NUBPL: variants seen among roughly 807,000 people sequenced by gnomAD.
NUBPL encodes the protein NUBP iron-sulfur cluster assembly factor, mitochondrial, also known as iron-sulfur cluster transfer protein NUBPL.
A neutral mutation model predicts 45.7 loss-of-function variants in NUBPL; 31 were observed. The observed-to-expected ratio is 0.68, with a 90% CI of 0.51 to 0.92. The LOEUF (loss-of-function observed/expected upper bound fraction) is 0.92, where lower values mean the gene tolerates loss of function less well. Among genes scored for constraint, NUBPL ranks in the 40% least tolerant of loss-of-function variants. The probability of loss-of-function intolerance (pLI) is 0.00; values close to 1 mark genes in which losing one functional copy is unlikely to be tolerated. For missense variants in NUBPL, 401 were observed against 398.7 expected (o/e 1.01, Z -0.05); for synonymous variants, 144 against 140.9 (o/e 1.02, Z -0.15).
At chr14:31,562,771 AT>A (rs535625900) in intron 2 of NUBPL, 148 of 147,860 alleles carry the variant, frequency 1.0e-3, no homozygotes, top group African/African-American at 3.2e-3. Context: ...CGCCCGGCTA[AT>A]TTTTTTTTTG....
Position 31,859,206 on chromosome 14 carries a change from C to T in NUBPL, c.*26C>T. Reference sequence around the variant, plus strand: ...TTCCCCAAGTGTCCTGGAAATTTGCCTGGTACTGACATTAAGAGGACCTTT... The same window carrying T: ...TTCCCCAAGTGTCCTGGAAATTTGCTTGGTACTGACATTAAGAGGACCTTT... On this transcript the variant is annotated 3_prime_UTR_variant, in exon 11 of 11. Coordinates refer to ENST00000281081, the MANE Select transcript of NUBPL (RefSeq NM_025152.3). The T allele has an allele frequency of 1.9e-6, 3 of 1,593,880 alleles. No individual in the cohort carries two copies. Among genetic ancestry groups the T allele is most frequent in the Non-Finnish European group, 2.6e-6 (3 of 1,161,724 alleles).
chr14:31,645,069 CT>C (rs34958203), intron 4 of NUBPL, among the ~76,000 whole-genome samples: 41,802 of 139,404 alleles, frequency 0.3, 6,116 homozygotes, highest in South Asian at 0.39. Context: ...TTTTTCTTTT[CT>C]TTTTTTTTTT....
intron 4 of NUBPL, among the ~76,000 whole-genome samples, chr14:31,641,143 G>C (rs890309588): frequency 1.3e-5 from 2 of 152,048 alleles, no homozygotes; most frequent in South Asian, 2.1e-4. Context: ...GTGGAGACAG[G>C]GTTTCACCAT....
At chr14:31,636,796 A>G (rs1463211051) in intron 4 of NUBPL, among the ~76,000 whole-genome samples, 1 of 152,144 alleles carries the variant, frequency 6.6e-6, no homozygotes, top group African/African-American at 2.4e-5. Context: ...CAGAGATTCA[A>G]CTTCTTCCTG....
At chr14:31,750,682 G>C (rs111541101) in intron 6 of NUBPL, among the ~76,000 whole-genome samples, 1,633 of 152,080 alleles carry the variant, frequency 0.011, 23 homozygotes, top group African/African-American at 0.037. Context: ...TTTTATAGTA[G>C]CTTTGTAGGG....
intron 4 of NUBPL, among the ~76,000 whole-genome samples, chr14:31,620,750 A>G (rs541068957): frequency 2.0e-5 from 3 of 152,304 alleles, no homozygotes; most frequent in South Asian, 4.1e-4. Context: ...CAGTCAGGAT[A>G]CACAGGGGTC....
chr14:31,843,176 G>A (rs2040403269), intron 8 of NUBPL, among the ~76,000 whole-genome samples: 2 of 152,294 alleles, frequency 1.3e-5, no homozygotes, highest in East Asian at 1.9e-4. Context: ...TCAGGACAGA[G>A]GGAAAAATAA....
intron 8 of NUBPL, among the ~76,000 whole-genome samples, chr14:31,839,357 A>G (rs1055789438): frequency 6.6e-6 from 1 of 152,160 alleles, no homozygotes; most frequent in East Asian, 1.9e-4. Flanking sequence ...AGAACACACA[A>G]TGGAGAAAGG....
intron 4 of NUBPL, among the ~76,000 whole-genome samples, chr14:31,649,194 T>C (rs1215832815): frequency 6.6e-6 from 1 of 152,230 alleles, no homozygotes; most frequent in Non-Finnish European, 1.5e-5. Context: ...GTTAAATTTC[T>C]AAACAGTGTC....
chr14:31,737,911 TTTTG>T (rs1354221567), intron 6 of NUBPL, among the ~76,000 whole-genome samples: 6 of 152,188 alleles, frequency 3.9e-5, no homozygotes, highest in African/African-American at 1.2e-4. Context: ...TTCTGAATTT[TTTTG>T]TTTTATTTAT....
chr14:31,803,984 C>G (rs1595653279), intron 7 of NUBPL, among the ~76,000 whole-genome samples: 1 of 152,096 alleles, frequency 6.6e-6, no homozygotes, highest in African/African-American at 2.4e-5. Flanking sequence ...GTCTCAAACT[C>G]CCTGGTTCAA....
intron 7 of NUBPL, among the ~76,000 whole-genome samples, chr14:31,798,104 G>T (rs180826085): frequency 1.3e-5 from 2 of 149,216 alleles, no homozygotes; most frequent in Non-Finnish European, 2.9e-5. Flanking sequence ...CGAGAGATCC[G>T]CTGTTAGTCT....
intron 4 of NUBPL, among the ~76,000 whole-genome samples, chr14:31,665,960 G>C (rs1566486706): frequency 6.6e-6 from 1 of 151,834 alleles, no homozygotes; most frequent in East Asian, 1.9e-4. Context: ...TTGTTGCATT[G>C]ATCCATTTAC....
intron 10 of NUBPL, among the ~76,000 whole-genome samples, chr14:31,853,080 G>GTGTTT (rs77960720): frequency 0.45 from 52,749 of 117,752 alleles, 11,375 homozygotes; most frequent in Non-Finnish European, 0.5. Context: ...GTGTTGTGTT[G>GTGTTT]TGTTTTGTTT....
At chr14:31,584,585 TA>T (rs1414672164) in intron 3 of NUBPL, among the ~76,000 whole-genome samples, 1 of 152,154 alleles carries the variant, frequency 6.6e-6, no homozygotes, top group Non-Finnish European at 1.5e-5. Context: ...AGAAACCCCA[TA>T]CCCCTGAACT....
chr14:31,839,813 T>G (rs1368730675), intron 8 of NUBPL, among the ~76,000 whole-genome samples: 1 of 152,102 alleles, frequency 6.6e-6, no homozygotes, highest in Non-Finnish European at 1.5e-5. Context: ...AGAGAAGACA[T>G]ACAAATGGCC....
rs534153540 is a variant in NUBPL, at chr14:31,675,723, A to G, written c.513+2149A>G. Among the ~76,000 whole-genome samples, 6 of 152,302 alleles carry G rather than the reference A, an allele frequency of 3.9e-5. No homozygotes were observed. The East Asian group carries it at 1.2e-3, about 29-fold the overall frequency. ...GGTCATTCTGATATCCTGAACTAGA[A>G]GTCTGGTTTAAAGTTGTTTTGTTTT... On this transcript the variant is annotated intron_variant, in intron 6 of 10. Coordinates refer to ENST00000281081, the MANE Select transcript of NUBPL (RefSeq NM_025152.3).
intron 10 of NUBPL, among the ~76,000 whole-genome samples, chr14:31,851,541 A>C (rs193226057): frequency 3.3e-4 from 51 of 152,256 alleles, no homozygotes; most frequent in East Asian, 2.9e-3. Flanking sequence ...CTCTGAGTAG[A>C]TATGGTATAA....
intron 6 of NUBPL, among the ~76,000 whole-genome samples, chr14:31,718,519 A>G (rs1458098308): frequency 6.6e-6 from 1 of 152,186 alleles, no homozygotes; most frequent in Non-Finnish European, 1.5e-5. Flanking sequence ...TTTAATATAC[A>G]TGTGGTTTCT....
Sources: allele counts gnomAD v4.1 joint callset (sites outside exome capture counted in the v4.1 genomes callset), GRCh38; gene constraint gnomAD v4.1.1; transcripts MANE v1.5; gene names NCBI Gene and HGNC (gene_info 2026-07-23, HGNC 2026-07-21).